CFAP20DC: variants seen among roughly 807,000 people sequenced by gnomAD.
CFAP20DC encodes the protein CFAP20 domain containing.
CFAP20DC carries 84 observed loss-of-function variants against 101.7 expected under a neutral mutation model. The observed-to-expected ratio is 0.83, with a 90% CI of 0.69 to 0.99. CFAP20DC has a LOEUF of 0.99. CFAP20DC is among the 50% of genes least tolerant of loss of function. CFAP20DC has a pLI of 0.00. For synonymous variants in CFAP20DC, 359 were observed against 351.2 expected, an observed-to-expected ratio of 1.02 and a Z score of -0.25; for missense variants, 1,007 against 970.3, an observed-to-expected ratio of 1.04 and a Z score of -0.50.
At chr3:58,923,248 T>A (rs1314026585) in intron 5 of CFAP20DC, among the ~76,000 whole-genome samples, 1 of 152,156 alleles carries the variant, frequency 6.6e-6, no homozygotes, top group Admixed American at 6.6e-5. Flanking sequence ...ATCAAATACT[T>A]TTAAACGAAT....
chr3:58,889,226 C>T (rs1035734024), intron 6 of CFAP20DC, among the ~76,000 whole-genome samples: 3 of 152,188 alleles, frequency 2.0e-5, no homozygotes, highest in African/African-American at 7.2e-5. Context: ...GTTTACTGAA[C>T]TGGGCAGCGT....
intron 15 of CFAP20DC, among the ~76,000 whole-genome samples, chr3:58,804,371 T>TC (rs1372740057): frequency 6.6e-6 from 1 of 151,812 alleles, no homozygotes; most frequent in East Asian, 1.9e-4. Flanking sequence ...GTTCTTTTTT[T>TC]TTTTTTTTTG....
intron 15 of CFAP20DC, among the ~76,000 whole-genome samples, chr3:58,761,321 G>A (rs548205418): frequency 6.6e-6 from 1 of 152,178 alleles, no homozygotes; most frequent in African/African-American, 2.4e-5. Flanking sequence ...GTTTATTTGT[G>A]TAGAGGTGTT....
At position 58,863,746 on chromosome 3, in the gene CFAP20DC, C is replaced by T. The variant is rs761280367; in HGVS notation, c.1405G>A (p.Glu469Lys). The T allele has an allele frequency of 1.2e-6, 2 of 1,614,090 alleles. No individual in the cohort carries two copies. Among genetic ancestry groups the T allele is most frequent in the African/African-American group, 2.7e-5 (2 of 74,936 alleles). ...ATGTCCTTTGGAACACTCTGGGATT[C>T]CTCTGCCTGCTGGTCGTGTTCACTC... ...KESEHDQQAE[E>K]SQSVPKDIFT... The change falls in exon 12 of 17, where the codon GAA (glutamate) becomes AAA (lysine). Residue 469 changes from glutamate (E) to lysine (K), a missense_variant. Glu to Lys is a moderately conservative substitution (Grantham distance 56). Transcript: ENST00000482387. The surrounding 1 kb of genome is among the most constrained non-coding windows in gnomAD (Gnocchi z 5.9).
chr3:58,991,523 C>T (rs1241145652), intron 4 of CFAP20DC, among the ~76,000 whole-genome samples: 1 of 152,042 alleles, frequency 6.6e-6, no homozygotes, highest in African/African-American at 2.4e-5. Flanking sequence ...CATCAGTTCC[C>T]AACCTTTTTG....
At position 58,863,573 on chromosome 3, in the gene CFAP20DC, G is replaced by A. The variant is rs1190394120; in HGVS notation, c.1578C>T (p.Gly526=). 6.2e-6 allele frequency: 10 copies of A among 1,613,802 alleles called. No individual in the cohort carries two copies. Among genetic ancestry groups the A allele is most frequent in the East Asian group, 2.2e-5 (1 of 44,866 alleles). ...AGCAGTGTACCTCTTCACTGCTGTCGCCGCCGTAAAAATCATCCTCTGATT... is the reference window on the plus strand; with the variant it reads ...AGCAGTGTACCTCTTCACTGCTGTCACCGCCGTAAAAATCATCCTCTGATT... ...DTQSEDDFYG[G]DSSEEGNHSI... The change falls in exon 12 of 17, where the codon GGC becomes GGT. Residue 526 remains glycine (G), a synonymous_variant. Transcript: ENST00000482387. The surrounding 1 kb of genome is among the most constrained non-coding windows in gnomAD (Gnocchi z 5.9).
intron 5 of CFAP20DC, among the ~76,000 whole-genome samples, chr3:58,919,642 A>G (rs2085126294): frequency 6.6e-6 from 1 of 152,208 alleles, no homozygotes; most frequent in Admixed American, 6.5e-5. Flanking sequence ...TGAACACAGT[A>G]TCTCTCTCCA....
intron 14 of CFAP20DC, among the ~76,000 whole-genome samples, chr3:58,822,769 T>G (rs1392092283): frequency 6.6e-6 from 1 of 152,118 alleles, no homozygotes; most frequent in Non-Finnish European, 1.5e-5. Flanking sequence ...AAATGGATAT[T>G]GATGGAGTTC....
chr3:58,808,163 TC>T (rs1370600535), intron 14 of CFAP20DC, among the ~76,000 whole-genome samples: 1 of 152,120 alleles, frequency 6.6e-6, no homozygotes, highest in Non-Finnish European at 1.5e-5. Flanking sequence ...CAGGAGAACT[TC>T]CCCAATCTAG....
chr3:58,894,921 T>C lies in CFAP20DC; in HGVS notation c.551-10212A>G, dbSNP rs1402828398. 1.3e-5 allele frequency among the ~76,000 whole-genome samples: 2 copies of C among 152,232 alleles called. No homozygotes were observed. The highest frequency in any genetic ancestry group is 2.9e-5 in the Non-Finnish European group (2 of 68,034). On this transcript the variant is annotated intron_variant, in intron 6 of 16. Transcript: ENST00000482387. The surrounding 1 kb of genome is among the most constrained non-coding windows in gnomAD (Gnocchi z 4.1). ...GCTCAACACTATGTGGAAGCTGCCATGGCTTTGGGCTTGCACCCTCTGAAG... is the reference window on the plus strand; with the variant it reads ...GCTCAACACTATGTGGAAGCTGCCACGGCTTTGGGCTTGCACCCTCTGAAG...
Position 59,001,826 on chromosome 3 carries a change from C to T in CFAP20DC, c.278+37731G>A, listed in dbSNP as rs1268777366. Among the ~76,000 whole-genome samples the T allele has an allele frequency of 5.9e-5, 9 of 152,216 alleles. No individual in the cohort carries two copies. The East Asian group carries it at 1.4e-3, about 23-fold the overall frequency. On this transcript the variant is annotated intron_variant, in intron 4 of 16. Transcript: ENST00000482387. The surrounding 1 kb of genome is among the most constrained non-coding windows in gnomAD (Gnocchi z 4.5). ...TGGCCTCAGGGAAGAAAGGGAAGTA[C>T]CTGATGTTACTATAGTAATCAGTGG... is the stretch of plus-strand genomic sequence containing the variant.
intron 4 of CFAP20DC, among the ~76,000 whole-genome samples, chr3:59,028,343 G>A (rs2093929001): frequency 6.6e-6 from 1 of 152,150 alleles, no homozygotes. Flanking sequence ...TTTCAGTAAA[G>A]TCCTTCCTTT....
chr3:58,803,541 G>C (rs1466218435), intron 15 of CFAP20DC, among the ~76,000 whole-genome samples: 1 of 152,160 alleles, frequency 6.6e-6, no homozygotes, highest in Non-Finnish European at 1.5e-5. Flanking sequence ...TCAATTTTAA[G>C]TTAAATTATA....
intron 14 of CFAP20DC, among the ~76,000 whole-genome samples, chr3:58,819,161 T>C (rs1314345673): frequency 1.4e-5 from 2 of 147,624 alleles, no homozygotes; most frequent in East Asian, 2.2e-4. Flanking sequence ...GGGAAATTTA[T>C]AGCACTAAAT....
chr3:58,827,179 G>C lies in CFAP20DC; in HGVS notation c.2175+4507C>G, dbSNP rs959611851. On this transcript the variant is annotated intron_variant, in intron 14 of 16. Coordinates refer to ENST00000482387, the MANE Select transcript of CFAP20DC (RefSeq NM_001394063.1). ...CTCTGGTGGGGGACACTGATAATAG[G>C]GTTCGTCTCAATTTTGCTGTGAACC... Among the ~76,000 whole-genome samples, 5 of 152,008 alleles carry C rather than the reference G, an allele frequency of 3.3e-5. No individual in the cohort carries two copies. The East Asian group carries it at 5.8e-4, about 18-fold the overall frequency.
At chr3:58,895,846 A>G (rs2082626325) in intron 6 of CFAP20DC, among the ~76,000 whole-genome samples, 1 of 152,198 alleles carries the variant, frequency 6.6e-6, no homozygotes, top group African/African-American at 2.4e-5. Flanking sequence ...AGCAAGTCAC[A>G]TCTTACATGG....
At position 58,834,773 on chromosome 3, in the gene CFAP20DC, G is replaced by C. The variant is rs140716798; in HGVS notation, c.1972-2884C>G. Among the ~76,000 whole-genome samples, 405 of 152,140 alleles carry C rather than the reference G, an allele frequency of 2.7e-3. 1 individual carries two copies. Among genetic ancestry groups the C allele is most frequent in the African/African-American group, 9.4e-3 (391 of 41,530 alleles). ...AGGCACCTGACAAACAAATATACTA[G>C]GGGGGTCTCCAAATGCGTGATTTGT... is the stretch of plus-strand genomic sequence containing the variant. On this transcript the variant is annotated intron_variant, in intron 13 of 16. Coordinates refer to ENST00000482387, the MANE Select transcript of CFAP20DC (RefSeq NM_001394063.1).
chr3:58,919,579 G>A lies in CFAP20DC; in HGVS notation c.394-5715C>T, dbSNP rs561759373. Among the ~76,000 whole-genome samples, 5 of 152,210 alleles carry A rather than the reference G, an allele frequency of 3.3e-5. No individual in the cohort carries two copies. In the South Asian group the frequency reaches 6.2e-4, roughly 19 times the overall value. On this transcript the variant is annotated intron_variant, in intron 5 of 16. Coordinates refer to ENST00000482387, the MANE Select transcript of CFAP20DC (RefSeq NM_001394063.1). Reference sequence around the variant, plus strand: ...TCAACTGGAATTAGATTGAATCTACGGATCAATATAGAGAGCACTGGCATC... The same window carrying A: ...TCAACTGGAATTAGATTGAATCTACAGATCAATATAGAGAGCACTGGCATC...
chr3:59,003,685 G>C (rs375619691), intron 4 of CFAP20DC, among the ~76,000 whole-genome samples: 202 of 152,264 alleles, frequency 1.3e-3, no homozygotes, highest in African/African-American at 4.5e-3. Flanking sequence ...TGATGTAATT[G>C]CCTAAGTGAC....
Sources: allele counts gnomAD v4.1 joint callset (sites outside exome capture counted in the v4.1 genomes callset), GRCh38; gene constraint gnomAD v4.1.1; non-coding constraint Gnocchi (gnomAD v3.1); transcripts MANE v1.5; gene names NCBI Gene and HGNC (gene_info 2026-07-23, HGNC 2026-07-21).